The following JAK2 variants were observed in gnomAD, a reference collection of about 807,000 sequenced individuals.
JAK2 encodes Janus kinase 2.
A neutral mutation model predicts 139.3 loss-of-function variants in JAK2; 86 were observed. That is an observed-to-expected ratio of 0.62 (90% CI 0.52 to 0.74). The LOEUF is 0.74. JAK2 is among the 30% of genes least tolerant of loss of function. JAK2 has a pLI of 0.00. For missense variants in JAK2, 1,421 were observed against 1,360.3 expected (o/e 1.04, Z -0.70); for synonymous variants, 490 against 437.7 (o/e 1.12, Z -1.49).
In JAK2 at chr9:5,077,558, T is replaced by G. The variant is rs1819386768; in HGVS notation, c.1970T>G (p.Leu657Trp). The change falls in exon 15 of 25, where the codon TTG (leucine) becomes TGG (tryptophan). Residue 657 changes from leucine to tryptophan, a missense_variant. By Grantham distance (61) the Leu-to-Trp change is moderately conservative (BLOSUM62 -2). Coordinates refer to ENST00000381652, the MANE Select transcript of JAK2 (RefSeq NM_004972.4). Reference sequence around the variant, plus strand: ...TGGAAACTTGAAGTTGCTAAACAGTTGGCATGGGCCATGCATTTTCTAGTA... The same window carrying G: ...TGGAAACTTGAAGTTGCTAAACAGTGGGCATGGGCCATGCATTTTCTAGTA... Reference protein sequence around the residue: ...ILWKLEVAKQLAWAMHFLEEN... With the variant: ...ILWKLEVAKQWAWAMHFLEEN... 2 of 1,487,182 alleles carry G rather than the reference T, an allele frequency of 1.3e-6. No individual in the cohort carries two copies. Among genetic ancestry groups the G allele is most frequent in the Non-Finnish European group, 1.8e-6 (2 of 1,120,770 alleles). The allele number at this position is 1,487,182 out of a possible 1,614,324, so 92.1% of individuals were successfully genotyped here.
chr9:5,032,889 G>A (rs562405166), intron 4 of JAK2, among the ~76,000 whole-genome samples: 55 of 152,326 alleles, frequency 3.6e-4, no homozygotes, highest in South Asian at 2.3e-3. Context: ...GAACAAAGCC[G>A]GATGGAGAAT....
chr9:5,123,244 AG>A, intron 23 of JAK2, 123 bp downstream of exon 23: 1 of 592,566 alleles, frequency 1.7e-6, no homozygotes, highest in Non-Finnish European at 3.0e-6. Flanking sequence ...CAGAGCTTTT[AG>A]GGTATCCACC....
rs147230011 is a variant in JAK2, at chr9:4,995,012, G to A, written c.-26+8990G>A. Among the ~76,000 whole-genome samples, 193 of 152,222 alleles carry A rather than the reference G, an allele frequency of 1.3e-3. 3 individuals are homozygous for A. The highest frequency in any genetic ancestry group is 2.1e-4 in the Non-Finnish European group (14 of 68,016). On this transcript the variant is annotated intron_variant, in intron 2 of 24. Transcript: ENST00000381652. ...AGTTGCTGATTCAAAAGTGGTATATGTTACTAAGTTCAACAAATATTGCCA... is the reference window on the plus strand; with the variant it reads ...AGTTGCTGATTCAAAAGTGGTATATATTACTAAGTTCAACAAATATTGCCA...
intron 10 of JAK2, among the ~76,000 whole-genome samples, chr9:5,067,474 ATTATT>A (rs1299686933): frequency 1.3e-5 from 2 of 152,052 alleles, no homozygotes; most frequent in African/African-American, 4.8e-5. Context: ...TTGTTATTCA[ATTATT>A]TTAATTTTTA....
chr9:5,072,555 G>GACT lies in JAK2; in HGVS notation c.1708_1710dup (p.Tyr570dup), dbSNP rs767591897. On this transcript the variant is annotated inframe_insertion, in exon 13 of 25. Transcript: ENST00000381652. ...TAAAGGCGTACGAAGAGAAGTAGGAGACTACGGTCAACTGCATGAAACAGA... is the reference window on the plus strand; with the variant it reads ...TAAAGGCGTACGAAGAGAAGTAGGAGACTACTACGGTCAACTGCATGAAACAGA... 1 of 1,611,000 alleles carries GACT rather than the reference G, an allele frequency of 6.2e-7. No homozygotes were observed. The highest frequency in any genetic ancestry group is 8.5e-7 in the Non-Finnish European group (1 of 1,177,952).
chr9:5,010,952 A>G (rs1256260024), intron 2 of JAK2, among the ~76,000 whole-genome samples: 1 of 152,126 alleles, frequency 6.6e-6, no homozygotes, highest in East Asian at 1.9e-4. Flanking sequence ...CCCTACCAGT[A>G]CTTTGTCTTC....
intron 4 of JAK2, among the ~76,000 whole-genome samples, chr9:5,038,109 T>C (rs1297781416): frequency 1.3e-5 from 2 of 152,178 alleles, no homozygotes; most frequent in Non-Finnish European, 2.9e-5. Flanking sequence ...AATGATTTGT[T>C]CTTCTTTTGT....
At chr9:5,108,092 C>T (rs1822120005) in intron 22 of JAK2, 1 of 152,088 alleles carries the variant, frequency 6.6e-6, no homozygotes. Context: ...CTAGTTTTCT[C>T]TTCTGATCTG....
intron 2 of JAK2, among the ~76,000 whole-genome samples, chr9:5,010,269 T>A (rs995761353): frequency 1.3e-5 from 2 of 152,202 alleles, no homozygotes; most frequent in African/African-American, 4.8e-5. Flanking sequence ...TTTACTTTTA[T>A]ATCTATTTTA....
chr9:5,116,461 A>C (rs1188314323), intron 22 of JAK2, among the ~76,000 whole-genome samples: 1 of 152,238 alleles, frequency 6.6e-6, no homozygotes, highest in Non-Finnish European at 1.5e-5. Flanking sequence ...CTAAAAAGTA[A>C]GACTCATCTA....
In JAK2 at chr9:5,090,508, C is replaced by G; in HGVS notation, c.2824C>G (p.Gln942Glu). 1 of 1,592,020 alleles carries G rather than the reference C, an allele frequency of 6.3e-7. No homozygotes were observed. Among genetic ancestry groups the G allele is most frequent in the Non-Finnish European group, 8.6e-7 (1 of 1,168,506 alleles). ...ATATGGAAGTTTACGAGACTATCTT[C>G]AAAAACATAAAGAACGGATAGATCA... Reference protein sequence around the residue: ...LPYGSLRDYLQKHKERIDHIK... With the variant: ...LPYGSLRDYLEKHKERIDHIK... The change falls in exon 21 of 25, where the codon CAA becomes GAA. Residue 942 changes from glutamine to glutamate, a missense_variant. Transcript: ENST00000381652.
intron 6 of JAK2, among the ~76,000 whole-genome samples, chr9:5,053,586 C>T (rs1349394877): frequency 6.6e-6 from 1 of 151,868 alleles, no homozygotes; most frequent in African/African-American, 2.4e-5. Flanking sequence ...AGCAGTTTCT[C>T]TTGAAATAAT....
chr9:5,111,097 G>A (rs776281954), intron 22 of JAK2: 6 of 1,224,276 alleles, frequency 4.9e-6, no homozygotes, highest in African/African-American at 4.5e-5. Flanking sequence ...GGGCAGCGGC[G>A]ACCAGAACAG....
chr9:5,078,892 T>A (rs1819488101), intron 16 of JAK2, among the ~76,000 whole-genome samples: 1 of 152,214 alleles, frequency 6.6e-6, no homozygotes, highest in South Asian at 2.1e-4. Flanking sequence ...AAACTTTGAT[T>A]TGTGTTTGTT....
intron 2 of JAK2, among the ~76,000 whole-genome samples, chr9:5,015,521 CTTTTT>C (rs1821986858): frequency 1.4e-5 from 2 of 140,534 alleles, no homozygotes; most frequent in African/African-American, 2.8e-5. Flanking sequence ...TCATTGTATT[CTTTTT>C]CTTTTTCTTT....
intron 4 of JAK2, among the ~76,000 whole-genome samples, chr9:5,032,951 C>A (rs532725417): frequency 6.6e-6 from 1 of 152,060 alleles, no homozygotes; most frequent in Admixed American, 6.5e-5. Flanking sequence ...CTACTCCAAG[C>A]TAAAGGAGGA....
chr9:5,078,564 A>C, intron 16 of JAK2, 120 bp downstream of exon 16: 2 of 752,462 alleles, frequency 2.7e-6, no homozygotes, highest in Non-Finnish European at 4.2e-6. Flanking sequence ...TTAATAATAA[A>C]ATTATCACTT....
rs1452233922 is a variant in JAK2 at position 5,054,171 on chromosome 9, G to A, written c.615-392G>A. Among the ~76,000 whole-genome samples the A allele has an allele frequency of 6.6e-6, 1 of 151,988 alleles. No individual in the cohort carries two copies. The highest frequency in any genetic ancestry group is 1.5e-5 in the Non-Finnish European group (1 of 67,906). ...AAATTCAGGTAAATGTTGGAGCACA[G>A]CATCATAGGAAATATTTGTAGCACA... On this transcript the variant is annotated intron_variant, in intron 6 of 24. Coordinates refer to ENST00000381652, the MANE Select transcript of JAK2 (RefSeq NM_004972.4). This position sits in a 1 kb window ranked among gnomAD's most constrained non-coding sequence, Gnocchi z 4.9.
chr9:5,115,643 A>G (rs2130822874), intron 22 of JAK2, among the ~76,000 whole-genome samples: 1 of 152,366 alleles, frequency 6.6e-6, no homozygotes, highest in Admixed American at 6.5e-5. Flanking sequence ...TCACAATAGC[A>G]AAGACTTGGA....
Sources: allele counts gnomAD v4.1 joint callset (sites outside exome capture counted in the v4.1 genomes callset), GRCh38; gene constraint gnomAD v4.1.1; non-coding constraint Gnocchi (gnomAD v3.1); transcripts MANE v1.5; gene names NCBI Gene and HGNC (gene_info 2026-07-23, HGNC 2026-07-21).